Variants in SHISA6 observed in about 807,000 individuals in gnomAD.
The protein encoded by SHISA6 is shisa family member 6.
A neutral mutation model predicts 47.9 loss-of-function variants in SHISA6; 22 were observed. The ratio of observed to expected loss-of-function variants is 0.46; its 90% CI spans 0.33 to 0.66. The LOEUF (loss-of-function observed/expected upper bound fraction) is 0.66. Among genes scored for constraint, SHISA6 ranks in the 30% least tolerant of loss-of-function variants. The pLI is 0.02. For missense variants in SHISA6, 680 were observed against 764.6 expected, an observed-to-expected ratio of 0.89 and a Z score of 1.30; for synonymous variants, 388 against 337.8, an observed-to-expected ratio of 1.15 and a Z score of -1.63.
intron 3 of SHISA6, among the ~76,000 whole-genome samples, chr17:11,401,004 T>G (rs1181478616): frequency 6.6e-6 from 1 of 152,366 alleles, no homozygotes; most frequent in South Asian, 2.1e-4. Context: ...TGTTGCTTTA[T>G]AATGTTGTTT....
Position 11,461,529 on chromosome 17 carries a change from C to T in SHISA6, c.895+82020C>T, listed in dbSNP as rs116650200. Among the ~76,000 whole-genome samples the T allele has an allele frequency of 4.3e-3, 653 of 152,016 alleles. 6 individuals carry two copies. The highest frequency in any genetic ancestry group is 0.015 in the African/African-American group (619 of 41,464). Reference sequence around the variant, plus strand: ...TGCCTATAAACAAGGGGACACAGCACATAGGGCTACATGGGGAAGCACCAG... The same window carrying T: ...TGCCTATAAACAAGGGGACACAGCATATAGGGCTACATGGGGAAGCACCAG... On this transcript the variant is annotated intron_variant, in intron 3 of 5. Transcript: ENST00000441885.
chr17:11,298,574 G>C (rs1049195824), intron 2 of SHISA6, among the ~76,000 whole-genome samples: 60 of 152,294 alleles, frequency 3.9e-4, no homozygotes, highest in African/African-American at 1.4e-3. Flanking sequence ...TGACAAGGAG[G>C]GTGTGATGGC....
intron 3 of SHISA6, among the ~76,000 whole-genome samples, chr17:11,490,636 A>G (rs572880015): frequency 5.3e-5 from 8 of 152,268 alleles, no homozygotes; most frequent in African/African-American, 1.9e-4. Flanking sequence ...GTGACTTCGG[A>G]TCCATATTCA....
intron 3 of SHISA6, among the ~76,000 whole-genome samples, chr17:11,414,554 GC>G (rs1914224938): frequency 6.6e-6 from 1 of 152,158 alleles, no homozygotes; most frequent in Non-Finnish European, 1.5e-5. Flanking sequence ...CAAAGTGGCT[GC>G]TTTGCTTCCC....
At chr17:11,512,535 T>G (rs940243965) in intron 3 of SHISA6, among the ~76,000 whole-genome samples, 1 of 152,220 alleles carries the variant, frequency 6.6e-6, no homozygotes, top group Non-Finnish European at 1.5e-5. Context: ...TATTTCAAAT[T>G]GAATTTTTTT....
intron 3 of SHISA6, among the ~76,000 whole-genome samples, chr17:11,522,175 C>T (rs2071635480): frequency 6.6e-6 from 1 of 151,908 alleles, no homozygotes; most frequent in Admixed American, 6.6e-5. Flanking sequence ...CCGTGTTAGC[C>T]ACGATGGTCT....
intron 3 of SHISA6, among the ~76,000 whole-genome samples, chr17:11,408,471 G>T (rs958046163): frequency 6.6e-6 from 1 of 152,116 alleles, no homozygotes; most frequent in Non-Finnish European, 1.5e-5. Flanking sequence ...CTGTCATAAA[G>T]AATTAAGACA....
chr17:11,389,819 C>T (rs531661407), intron 3 of SHISA6, among the ~76,000 whole-genome samples: 1 of 152,314 alleles, frequency 6.6e-6, no homozygotes, highest in African/African-American at 2.4e-5. Flanking sequence ...TGTGCCAGCC[C>T]TTGGCATTTG....
chr17:11,502,265 C>T (rs999924810), intron 3 of SHISA6, among the ~76,000 whole-genome samples: 6 of 151,342 alleles, frequency 4.0e-5, no homozygotes, highest in African/African-American at 1.5e-4. Flanking sequence ...AAAAATTAGC[C>T]GGGCGTGGTA....
intron 2 of SHISA6, among the ~76,000 whole-genome samples, chr17:11,316,460 G>T (rs1194538444): frequency 3.3e-5 from 4 of 120,846 alleles, no homozygotes; most frequent in Non-Finnish European, 6.4e-5. Context: ...TTGCTCTGTC[G>T]CCTAGGCTGG....
rs184279944 is a variant in SHISA6, at chr17:11,335,873, C to G, written c.800-43541C>G. On this transcript the variant is annotated intron_variant, in intron 2 of 5. Transcript: ENST00000441885. ...TTATTTCATAACACGCTTAGTGGTTCAAATGACATATGCGAGTTATGCCTT... is the reference window on the plus strand; with the variant it reads ...TTATTTCATAACACGCTTAGTGGTTGAAATGACATATGCGAGTTATGCCTT... Among the ~76,000 whole-genome samples the G allele has an allele frequency of 4.7e-3, 714 of 152,188 alleles. 10 individuals are homozygous for G. The highest frequency in any genetic ancestry group is 4.0e-3 in the Non-Finnish European group (273 of 68,010).
Position 11,241,458 on chromosome 17 carries a change from C to T in SHISA6, c.36C>T (p.Leu12=), listed in dbSNP as rs1597415713. ...GGCGCCTCCTGCTGCTGCTGCTGCT[C>T]TCGCTGGAGTCCCTGGACCTGCTGC... is the stretch of plus-strand genomic sequence containing the variant. ...ALRRLLLLLL[L]SLESLDLLPS... is the part of the protein sequence containing the mutation. The change falls in exon 1 of 6, where the codon CTC becomes CTT. Residue 12 remains leucine (L), a synonymous_variant. Transcript: ENST00000441885. This position sits in a 1 kb window ranked among gnomAD's most constrained non-coding sequence, Gnocchi z 5.5. 5 of 1,211,576 alleles carry T rather than the reference C, an allele frequency of 4.1e-6. No homozygotes were observed. The South Asian group carries it at 8.3e-5, about 20-fold the overall frequency. The allele number at this position is 1,211,576 out of a possible 1,614,324, so 75.1% of individuals were successfully genotyped here.
At chr17:11,495,871 C>T (rs892444666) in intron 3 of SHISA6, among the ~76,000 whole-genome samples, 2 of 152,204 alleles carry the variant, frequency 1.3e-5, no homozygotes, top group Non-Finnish European at 2.9e-5. Flanking sequence ...TTCTAAATCA[C>T]ACAGTTAGAA....
intron 2 of SHISA6, among the ~76,000 whole-genome samples, chr17:11,332,585 G>A (rs1400865624): frequency 6.6e-6 from 1 of 152,126 alleles, no homozygotes; most frequent in Non-Finnish European, 1.5e-5. Context: ...GAAAGGGAGA[G>A]AACCGTGAGC....
intron 3 of SHISA6, among the ~76,000 whole-genome samples, chr17:11,504,342 A>G (rs148485065): frequency 1.8e-3 from 272 of 152,278 alleles, no homozygotes; most frequent in African/African-American, 6.3e-3. Flanking sequence ...AAACTTTTAA[A>G]GCACTCTGCA....
chr17:11,245,016 G>A (rs1907519684), intron 1 of SHISA6, among the ~76,000 whole-genome samples: 2 of 152,190 alleles, frequency 1.3e-5, no homozygotes, highest in Admixed American at 6.5e-5. Flanking sequence ...ATTCCTTAGG[G>A]TAGGACTTCC....
chr17:11,409,416 T>C (rs1914051850), intron 3 of SHISA6, among the ~76,000 whole-genome samples: 1 of 152,138 alleles, frequency 6.6e-6, no homozygotes, highest in Non-Finnish European at 1.5e-5. Flanking sequence ...GTTGTCTGTA[T>C]TAGAAAAAGA....
chr17:11,241,519 C>A lies in SHISA6; in HGVS notation c.97C>A (p.Arg33=), dbSNP rs1316928256. The A allele has an allele frequency of 8.8e-7, 1 of 1,137,876 alleles. No homozygotes were observed. Among genetic ancestry groups the A allele is most frequent in the Non-Finnish European group, 1.1e-6 (1 of 924,742 alleles). The allele number at this position is 1,137,876 out of a possible 1,614,324, so 70.5% of individuals were successfully genotyped here. The change falls in exon 1 of 6, where the codon CGG becomes AGG. Residue 33 remains arginine, a synonymous_variant. Coordinates refer to ENST00000441885, the MANE Select transcript of SHISA6 (RefSeq NM_207386.4). This position sits in a 1 kb window ranked among gnomAD's most constrained non-coding sequence, Gnocchi z 5.5. The part of the protein sequence containing the change: ...VHGARGRAAN[R]TLSAGGAAVG... ...CGGAGCCCGCGGCCGCGCCGCCAAC[C>A]GGACCCTGAGTGCAGGCGGCGCTGC...
At chr17:11,496,077 C>T (rs139026101) in intron 3 of SHISA6, among the ~76,000 whole-genome samples, 31 of 152,238 alleles carry the variant, frequency 2.0e-4, no homozygotes, top group Admixed American at 5.2e-4. Flanking sequence ...AGACACAATA[C>T]GGTGCCTGCT....
Sources: allele counts gnomAD v4.1 joint callset (sites outside exome capture counted in the v4.1 genomes callset), GRCh38; gene constraint gnomAD v4.1.1; non-coding constraint Gnocchi (gnomAD v3.1); transcripts MANE v1.5; gene names NCBI Gene and HGNC (gene_info 2026-07-23, HGNC 2026-07-21).